RANBP1: variants seen among roughly 807,000 people sequenced by gnomAD.
RANBP1 encodes the protein ran-specific GTPase-activating protein.
Under a neutral mutation model 31.4 loss-of-function variants are expected in RANBP1, and 16 were observed. The observed-to-expected ratio is 0.51, with a 90% CI of 0.34 to 0.77. The LOEUF (loss-of-function observed/expected upper bound fraction) is 0.77. Ranked by LOEUF, RANBP1 falls within the 30% of genes least tolerant of loss-of-function variation. The pLI, the probability that RANBP1 is intolerant of heterozygous loss-of-function variation, is 0.01. For synonymous variants in RANBP1, 129 were observed against 140.5 expected, an observed-to-expected ratio of 0.92 and a Z score of 0.58; for missense variants, 265 against 362.0, an observed-to-expected ratio of 0.73 and a Z score of 2.17.
intron 3 of RANBP1, among the ~76,000 whole-genome samples, chr22:20,123,166 C>T (rs1428416318): frequency 2.8e-5 from 2 of 70,664 alleles, no homozygotes; most frequent in South Asian, 5.3e-4. Context: ...GAAGGTGTGT[C>T]GGGGCATGTG....
At chr22:20,117,301 C>T (rs2050057859) in intron 1 of RANBP1, 2 of 870,970 alleles carry the variant, frequency 2.3e-6, no homozygotes, top group Non-Finnish European at 3.0e-6. Context: ...TCTAGAGGCG[C>T]GCGTGGCCGG....
chr22:20,125,363 G>A lies in RANBP1; in HGVS notation c.597G>A (p.Trp199Ter). ...PNAGSDRAWV[W>*]NTHADFADEC... ...CAGGTAGCGACCGTGCCTGGGTCTG[G>A]AACACCCACGCTGACTTCGCCGACG... Residue 199 changes from tryptophan (W) to a stop codon, truncating the protein, a stop_gained, in exon 4 of 6, where the codon TGG becomes TGA. Coordinates refer to ENST00000430524, the MANE Select transcript of RANBP1 (RefSeq NM_001278639.2). LOFTEE classifies it high-confidence loss of function. 1 of 1,611,830 alleles carries A rather than the reference G, an allele frequency of 6.2e-7. No homozygotes were observed. Among genetic ancestry groups the A allele is most frequent in the Non-Finnish European group, 8.5e-7 (1 of 1,179,932 alleles).
At chr22:20,119,207 T>A (rs1434801877) in intron 2 of RANBP1, 58 bp downstream of exon 2, 3 of 1,540,938 alleles carry the variant, frequency 1.9e-6, no homozygotes, top group Non-Finnish European at 2.7e-6. Context: ...ACAACTTTTA[T>A]GGGTGTCCAG....
chr22:20,120,446 T>G (rs1159350368), intron 2 of RANBP1, among the ~76,000 whole-genome samples: 1 of 151,676 alleles, frequency 6.6e-6, no homozygotes, highest in Non-Finnish European at 1.5e-5. Context: ...CTGAGGGAGG[T>G]GAGGCCAGCA....
intron 3 of RANBP1, 80 bp from the exon 4 acceptor site, chr22:20,125,228 C>CA: frequency 6.5e-7 from 1 of 1,544,182 alleles, no homozygotes. Context: ...GGTTGGTGAG[C>CA]AGGGTGCTCT....
At position 20,127,161 on chromosome 22, in the gene RANBP1, G is replaced by A. The variant is rs1245950443; in HGVS notation, c.*109G>A. The A allele has an allele frequency of 2.6e-5, 22 of 856,384 alleles. No homozygotes were observed. Among genetic ancestry groups the A allele is most frequent in the Admixed American group, 3.3e-5 (1 of 30,220 alleles). 53.0% of individuals were successfully genotyped at this position (856,384 alleles called of 1,614,324 possible). On this transcript the variant is annotated 3_prime_UTR_variant, in exon 6 of 6. Transcript: ENST00000430524. ...TTATTCTTTCATTTTTACAAGGGAC[G>A]TTATATAAAGAACTGAACTCAACAT...
intron 1 of RANBP1, chr22:20,117,337 G>A: frequency 8.6e-7 from 1 of 1,166,248 alleles, no homozygotes; most frequent in South Asian, 2.9e-5. Flanking sequence ...GGGTGTCGCC[G>A]GGAGTGCGCG....
intron 3 of RANBP1, among the ~76,000 whole-genome samples, chr22:20,123,391 TG>T (rs1358052930): frequency 1.1e-4 from 6 of 56,038 alleles, no homozygotes; most frequent in Admixed American, 5.1e-4. Flanking sequence ...CTGGGGGTGT[TG>T]GGGTGTGTGT....
chr22:20,116,926 C>A (rs1330098175), intron 1 of RANBP1: 1 of 1,589,232 alleles, frequency 6.3e-7, no homozygotes. Flanking sequence ...GGTTCTCCGC[C>A]TAGACCAGGG....
At chr22:20,117,249 A>C (rs984683626) in intron 1 of RANBP1, 5 of 547,714 alleles carry the variant, frequency 9.1e-6, no homozygotes, top group Admixed American at 4.6e-5. Context: ...TGGCAACGTC[A>C]TCGTCACGCG....
At chr22:20,126,194 C>T (rs530263583) in intron 4 of RANBP1, 109 bp from the exon 5 acceptor site, 1 of 1,292,904 alleles carries the variant, frequency 7.7e-7, no homozygotes, top group South Asian at 1.4e-5. Flanking sequence ...CTTAGGTCAG[C>T]AATTACCATG....
Position 20,125,428 on chromosome 22 carries a change from A to G in RANBP1, c.662A>G (p.Asn221Ser), listed in dbSNP as rs767917893. ...GAGCTGCTGGCCATCCGCTTCCTGAATGCTGAGAGTGAGCCAAGGGCCCTG... is the reference window on the plus strand; with the variant it reads ...GAGCTGCTGGCCATCCGCTTCCTGAGTGCTGAGAGTGAGCCAAGGGCCCTG... ...KPELLAIRFL[N>S]AENAQKFKTK... The change falls in exon 4 of 6, where the codon AAT (asparagine) becomes AGT (serine). Residue 221 changes from asparagine (N) to serine (S), a missense_variant. By Grantham distance (46) the Asn-to-Ser change is conservative (BLOSUM62 1). Around this residue, in one of 3 missense-constraint regions of RANBP1, gnomAD observed 90 missense variants for 190.5 expected, o/e 0.47. Coordinates refer to ENST00000430524, the MANE Select transcript of RANBP1 (RefSeq NM_001278639.2). 7.5e-6 allele frequency: 12 copies of G among 1,605,956 alleles called. 1 individual carries two copies. In the South Asian group the frequency reaches 1.1e-4, roughly 15 times the overall value.
In RANBP1 at chr22:20,116,272, C is replaced by T. The variant is rs756841949; in HGVS notation, c.88C>T (p.Leu30Phe). The T allele has an allele frequency of 1.2e-6, 2 of 1,612,996 alleles. No individual in the cohort carries two copies. The highest frequency in any genetic ancestry group is 1.7e-6 in the Non-Finnish European group (2 of 1,180,032). ...APCKTRRALSLSAALRNVTKA... is the reference protein window; with the variant it reads ...APCKTRRALSFSAALRNVTKA... ...ATGCAAAACGCGCAGGGCCTTGTCC[C>T]TCTCTGCAGCGCTGCGGAATGTCAC... Residue 30 changes from leucine (L) to phenylalanine (F), a missense_variant, in exon 1 of 6, where the codon CTC becomes TTC. By Grantham distance (22) the Leu-to-Phe change is conservative. Coordinates refer to ENST00000430524, the MANE Select transcript of RANBP1 (RefSeq NM_001278639.2).
Position 20,117,747 on chromosome 22 carries a change from C to T in RANBP1, c.247-1266C>T, listed in dbSNP as rs2050071846. ...CGGCCACGTGGGCGGCCCGCGCCGCCGCCACCAACCTCCGCCGGCCTGCAG... is the reference window on the plus strand; with the variant it reads ...CGGCCACGTGGGCGGCCCGCGCCGCTGCCACCAACCTCCGCCGGCCTGCAG... On this transcript the variant is annotated intron_variant, in intron 1 of 5. Transcript: ENST00000430524. The T allele has an allele frequency of 8.3e-6, 9 of 1,082,776 alleles. No individual in the cohort carries two copies. In the South Asian group the frequency reaches 1.3e-4, roughly 16 times the overall value. 67.1% of individuals were successfully genotyped at this position (1,082,776 alleles called of 1,614,324 possible). A position where few individuals can be genotyped will look rare whatever the true frequency, so the allele number is the denominator to read the frequency against.
chr22:20,122,666 A>T (rs1238849906), intron 3 of RANBP1: 32 of 1,409,196 alleles, frequency 2.3e-5, no homozygotes, highest in Non-Finnish European at 3.0e-5. Flanking sequence ...TGATGGGAGG[A>T]CGCAGCGCCC....
At chr22:20,126,207 A>G (rs2147993668) in intron 4 of RANBP1, 96 bp from the exon 5 acceptor site, 3 of 1,406,784 alleles carry the variant, frequency 2.1e-6, no homozygotes, top group South Asian at 2.7e-5. Flanking sequence ...TTACCATGAA[A>G]TGGGTCTTCT....
At chr22:20,121,016 C>T (rs1464490876) in intron 2 of RANBP1, among the ~76,000 whole-genome samples, 2 of 151,650 alleles carry the variant, frequency 1.3e-5, no homozygotes, top group African/African-American at 4.8e-5. Flanking sequence ...TGCAGTGGCG[C>T]GATCTTGGCT....
At chr22:20,118,096 C>T (rs953374538) in intron 1 of RANBP1, 5 of 999,956 alleles carry the variant, frequency 5.0e-6, no homozygotes. Context: ...CCACTGGCCT[C>T]TGTGGCAGAA....
At position 20,127,350 on chromosome 22, in the gene RANBP1, C is replaced by A. The variant is rs1000499497; in HGVS notation, c.*298C>A. 4 of 280,726 alleles carry A rather than the reference C, an allele frequency of 1.4e-5. No homozygotes were observed. The highest frequency in any genetic ancestry group is 2.8e-5 in the Non-Finnish European group (4 of 145,204). The allele number at this position is 280,726 out of a possible 1,614,324, so 17.4% of individuals were successfully genotyped here. A position where few individuals can be genotyped will look rare whatever the true frequency, so the allele number is the denominator to read the frequency against. On this transcript the variant is annotated 3_prime_UTR_variant, in exon 6 of 6. Coordinates refer to ENST00000430524, the MANE Select transcript of RANBP1 (RefSeq NM_001278639.2). The stretch of plus-strand genomic sequence containing the variant: ...TAGTGAATAAAAAACACATTTGGAA[C>A]CTGGGCCAGATGGCAGGACTGTGTG...
Sources: gnomAD v4.1 joint callset for allele counts (sites outside exome capture counted in the v4.1 genomes callset) on GRCh38, gnomAD v4.1.1 for gene constraint, gnomAD v4.1.1 regional missense constraint, MANE v1.5 for transcripts, NCBI Gene and HGNC (gene_info 2026-07-23, HGNC 2026-07-21) for gene names.